The following DPP6 variants were observed in gnomAD, a reference collection of about 807,000 sequenced individuals.
The protein encoded by DPP6 is dipeptidyl peptidase like 6, also known as A-type potassium channel modulatory protein DPP6.
Under a neutral mutation model 122.6 loss-of-function variants are expected in DPP6, and 69 were observed. That is an observed-to-expected ratio of 0.56 (90% confidence interval 0.46 to 0.69). The LOEUF is 0.69. Among genes scored for constraint, DPP6 ranks in the 30% least tolerant of loss-of-function variants. The pLI is 0.00. For missense variants in DPP6, 928 were observed against 1,116.9 expected, an observed-to-expected ratio of 0.83 and a Z score of 2.41; for synonymous variants, 418 against 433.1, an observed-to-expected ratio of 0.97 and a Z score of 0.43.
intron 3 of DPP6, among the ~76,000 whole-genome samples, chr7:154,531,556 A>G (rs1295214596): frequency 6.6e-6 from 1 of 152,214 alleles, no homozygotes; most frequent in Non-Finnish European, 1.5e-5. Flanking sequence ...ACGGAAGAAA[A>G]TGATATACAA....
intron 1 of DPP6, among the ~76,000 whole-genome samples, chr7:154,079,786 T>C (rs1434037900): frequency 6.6e-6 from 1 of 152,042 alleles, no homozygotes; most frequent in Non-Finnish European, 1.5e-5. Context: ...CCCTTCGATG[T>C]TCCTGGCCCA....
chr7:154,834,934 C>G (rs1431559907), intron 16 of DPP6, among the ~76,000 whole-genome samples: 2 of 152,140 alleles, frequency 1.3e-5, no homozygotes, highest in Admixed American at 6.5e-5. Flanking sequence ...CCGTATTTCG[C>G]TGGCTTGGGG....
At chr7:154,695,983 G>A (rs1322036738) in intron 7 of DPP6, among the ~76,000 whole-genome samples, 1 of 152,162 alleles carries the variant, frequency 6.6e-6, no homozygotes, top group Non-Finnish European at 1.5e-5. Flanking sequence ...CCTGAGAAAG[G>A]GCCCAAAAGA....
rs566820705 is a variant in DPP6, at chr7:154,739,085, G to A, written c.883+11198G>A. 4.9e-4 allele frequency among the ~76,000 whole-genome samples: 75 copies of A among 152,220 alleles called. No individual in the cohort carries two copies. In the South Asian group the frequency reaches 7.1e-3, roughly 14 times the overall value. On this transcript the variant is annotated intron_variant, in intron 8 of 25. Coordinates refer to ENST00000377770, the MANE Select transcript of DPP6 (RefSeq NM_130797.4). The stretch of plus-strand genomic sequence containing the variant: ...ACACTAGTGGAAAGGGGAGTGTTCC[G>A]GAGGGACACAAGCTGGGGAATAAAT...
intron 1 of DPP6, among the ~76,000 whole-genome samples, chr7:153,996,458 C>G (rs1218635758): frequency 6.6e-6 from 1 of 151,788 alleles, no homozygotes; most frequent in Non-Finnish European, 1.5e-5. Context: ...CTCTGGCCAT[C>G]CTAGCAGATA....
At chr7:154,693,561 C>T (rs1223007964) in intron 7 of DPP6, among the ~76,000 whole-genome samples, 1 of 152,168 alleles carries the variant, frequency 6.6e-6, no homozygotes, top group African/African-American at 2.4e-5. Flanking sequence ...GAGCCAGCCT[C>T]CCAGGTGGGT....
At chr7:154,859,021 TG>T (rs1399426621) in intron 17 of DPP6, among the ~76,000 whole-genome samples, 71 of 152,298 alleles carry the variant, frequency 4.7e-4, no homozygotes, top group South Asian at 4.1e-4. Context: ...GACTGTGGGC[TG>T]GGGGCTGATA....
At chr7:154,365,527 G>T (rs1812081662) in intron 1 of DPP6, among the ~76,000 whole-genome samples, 1 of 152,166 alleles carries the variant, frequency 6.6e-6, no homozygotes, top group African/African-American at 2.4e-5. Flanking sequence ...GTAACTATGA[G>T]GTTCAGATCA....
chr7:154,399,469 G>A (rs537516613), intron 1 of DPP6, among the ~76,000 whole-genome samples: 7 of 152,230 alleles, frequency 4.6e-5, no homozygotes, highest in East Asian at 3.9e-4. Flanking sequence ...GGTTAACCTC[G>A]CAGAATTGTT....
chr7:153,842,436 T>C, the DPP6 span, among the ~76,000 whole-genome samples: 2 of 152,198 alleles, frequency 1.3e-5, no homozygotes, highest in African/African-American at 4.8e-5. Flanking sequence ...TATAGGTTTT[T>C]CTTTTTTTGT....
At chr7:154,852,508 T>TG (rs59602493) in intron 16 of DPP6, among the ~76,000 whole-genome samples, 3 of 150,790 alleles carry the variant, frequency 2.0e-5, no homozygotes, top group Non-Finnish European at 3.0e-5. Flanking sequence ...CTGCCTCTCC[T>TG]CCCTCTCCTC....
chr7:154,621,996 C>T (rs1834717156), intron 5 of DPP6, among the ~76,000 whole-genome samples: 1 of 152,138 alleles, frequency 6.6e-6, no homozygotes, highest in African/African-American at 2.4e-5. Context: ...TAATATATTT[C>T]CCCCAATGAT....
Position 154,514,489 on chromosome 7 carries a change from A to G in DPP6, c.458-26043A>G, listed in dbSNP as rs1368496541. Among the ~76,000 whole-genome samples, 5 of 152,002 alleles carry G rather than the reference A, an allele frequency of 3.3e-5. No individual in the cohort carries two copies. The East Asian group carries it at 9.7e-4, about 29-fold the overall frequency. ...CGCTATGCACCCATCTCCTCCATCC[A>G]TCTCCAGATCCTTCCTACTTTCCAA... On this transcript the variant is annotated intron_variant, in intron 3 of 25. Transcript: ENST00000377770.
At chr7:154,499,717 A>G (rs1028595559) in intron 3 of DPP6, among the ~76,000 whole-genome samples, 1 of 152,080 alleles carries the variant, frequency 6.6e-6, no homozygotes, top group Non-Finnish European at 1.5e-5. Context: ...GTCATAGTGA[A>G]TCTCTGTTTC....
intron 1 of DPP6, among the ~76,000 whole-genome samples, chr7:154,110,563 T>G (rs898916477): frequency 6.6e-6 from 1 of 151,936 alleles, no homozygotes; most frequent in Non-Finnish European, 1.5e-5. Context: ...GTACAAACAA[T>G]AGAGCAGAAG....
At chr7:154,320,476 T>TTG in intron 1 of DPP6, among the ~76,000 whole-genome samples, 1 of 78,816 alleles carries the variant, frequency 1.3e-5, no homozygotes. Context: ...TTGTACTTTG[T>TTG]TTTTTTTTTT....
chr7:153,815,179 G>A, the DPP6 span, among the ~76,000 whole-genome samples: 2 of 152,146 alleles, frequency 1.3e-5, no homozygotes, highest in Non-Finnish European at 2.9e-5. Context: ...GTTCCTGTTT[G>A]CAAATGACAT....
At chr7:153,985,244 T>C (rs1004256783) in intron 1 of DPP6, among the ~76,000 whole-genome samples, 5 of 152,154 alleles carry the variant, frequency 3.3e-5, no homozygotes. Flanking sequence ...TGAGACACTT[T>C]GAAGGGGTAC....
intron 1 of DPP6, among the ~76,000 whole-genome samples, chr7:153,924,291 T>G: frequency 6.6e-6 from 1 of 152,036 alleles, no homozygotes; most frequent in Non-Finnish European, 1.5e-5. Context: ...TGTATTTTAG[T>G]AGAGACGAGG....
Sources: gnomAD v4.1 joint callset for allele counts (sites outside exome capture counted in the v4.1 genomes callset) on GRCh38, gnomAD v4.1.1 for gene constraint, MANE v1.5 for transcripts, NCBI Gene and HGNC (gene_info 2026-07-23, HGNC 2026-07-21) for gene names.